Variants in SLC23A2 observed in about 807,000 individuals in gnomAD.
The protein encoded by SLC23A2 is Na(+)/L-ascorbic acid transporter 2.
In SLC23A2, 36 loss-of-function variants were observed where a neutral mutation model predicts 73.3. That is an observed-to-expected ratio of 0.49 (90% CI 0.38 to 0.65). The LOEUF is 0.65. Among genes scored for constraint, SLC23A2 ranks in the 30% least tolerant of loss-of-function variants. The pLI, the probability that SLC23A2 is intolerant of heterozygous loss-of-function variation, is 0.00. For synonymous variants in SLC23A2, 343 were observed against 327.3 expected (o/e 1.05, Z -0.52); for missense variants, 507 against 841.6 (o/e 0.60, Z 4.92).
intron 2 of SLC23A2, among the ~76,000 whole-genome samples, chr20:4,944,730 C>T (rs1182736747): frequency 6.6e-6 from 1 of 152,148 alleles, no homozygotes; most frequent in Non-Finnish European, 1.5e-5. Flanking sequence ...CTCAGCCTGC[C>T]AAGTGCTACT....
intron 3 of SLC23A2, among the ~76,000 whole-genome samples, chr20:4,929,299 A>T (rs950923353): frequency 6.6e-6 from 1 of 151,478 alleles, no homozygotes; most frequent in Non-Finnish European, 1.5e-5. Flanking sequence ...AAAAAAAAAC[A>T]CTTATGGAAA....
At chr20:4,905,113 C>CAAAAA (rs56708379) in intron 4 of SLC23A2, among the ~76,000 whole-genome samples, 1 of 96,786 alleles carries the variant, frequency 1.0e-5, no homozygotes. Context: ...GATTCTGTCA[C>CAAAAA]AAAAAAAAAA....
At chr20:4,896,145 C>G (rs1001654790) in intron 6 of SLC23A2, among the ~76,000 whole-genome samples, 1 of 152,106 alleles carries the variant, frequency 6.6e-6, no homozygotes, top group African/African-American at 2.4e-5. Flanking sequence ...ACATGGGGTG[C>G]AGCAAACGTG....
chr20:4,854,660 C>T lies in SLC23A2; in HGVS notation c.*2312G>A, dbSNP rs1294360420. 1 of 152,158 alleles carries T rather than the reference C, an allele frequency of 6.6e-6. No homozygotes were observed. The highest frequency in any genetic ancestry group is 1.5e-5 in the Non-Finnish European group (1 of 68,020). 9.4% of individuals were successfully genotyped at this position (152,158 alleles called of 1,614,324 possible). On this transcript the variant is annotated 3_prime_UTR_variant, in exon 17 of 17. Coordinates refer to ENST00000338244, the MANE Select transcript of SLC23A2 (RefSeq NM_005116.6). Reference sequence around the variant, plus strand: ...TGTGTGAAGGCCTACAGAGGGCACCCCACATGTTAGCGGGGTTGAATCCTC... The same window carrying T: ...TGTGTGAAGGCCTACAGAGGGCACCTCACATGTTAGCGGGGTTGAATCCTC...
upstream of SLC23A2, among the ~76,000 whole-genome samples, chr20:5,002,096 C>G (rs1226556934): frequency 6.6e-6 from 1 of 152,158 alleles, no homozygotes; most frequent in Non-Finnish European, 1.5e-5. Context: ...CTCTGGGGTG[C>G]AGCCCAAAAG....
At chr20:4,971,599 TA>T in intron 1 of SLC23A2, among the ~76,000 whole-genome samples, 1 of 140,320 alleles carries the variant, frequency 7.1e-6, no homozygotes, top group African/African-American at 2.7e-5. Flanking sequence ...CTGGGCAACA[TA>T]GTGAAACCTT....
At chr20:4,893,370 C>T (rs914202477) in intron 6 of SLC23A2, among the ~76,000 whole-genome samples, 4 of 152,158 alleles carry the variant, frequency 2.6e-5, no homozygotes, top group Non-Finnish European at 5.9e-5. Flanking sequence ...CAGCCTGCAA[C>T]TTTACTTTCA....
intron 1 of SLC23A2, among the ~76,000 whole-genome samples, chr20:4,985,357 T>C (rs1004677280): frequency 6.6e-6 from 1 of 152,232 alleles, no homozygotes; most frequent in Admixed American, 6.5e-5. Context: ...AATGGATTAT[T>C]CAGCAATAAA....
intron 1 of SLC23A2, among the ~76,000 whole-genome samples, chr20:4,973,212 C>T (rs75895094): frequency 0.012 from 1,852 of 152,184 alleles, 32 homozygotes; most frequent in East Asian, 0.05. Flanking sequence ...ATCGTGTGAC[C>T]TTCTCAATTT....
chr20:4,997,780 C>T (rs149218752), intron 1 of SLC23A2, among the ~76,000 whole-genome samples: 89 of 149,972 alleles, frequency 5.9e-4, no homozygotes, highest in African/African-American at 1.9e-3. Flanking sequence ...ACTACTACCA[C>T]GTCCAGCGAA....
chr20:4,885,464 T>C (rs1931059926), intron 7 of SLC23A2, among the ~76,000 whole-genome samples: 1 of 152,232 alleles, frequency 6.6e-6, no homozygotes, highest in African/African-American at 2.4e-5. Flanking sequence ...AGAGAAGGGA[T>C]GCTGACGCAG....
chr20:4,992,342 TA>T (rs1276250473), intron 1 of SLC23A2, among the ~76,000 whole-genome samples: 1 of 152,026 alleles, frequency 6.6e-6, no homozygotes, highest in Non-Finnish European at 1.5e-5. Flanking sequence ...CCAAAAAATA[TA>T]AACTAGAGGG....
chr20:5,007,146 G>A lies in SLC23A2; in HGVS notation c.-282+3036C>T, dbSNP rs565952448. On this transcript the variant is annotated intron_variant, in intron 1 of 16. Transcript: ENST00000379333. ...CACGTAGGCTTCTCCCCACTCCACCGCCAGGCTTGCTTTTATTTTTTTTGA... is the reference window on the plus strand; with the variant it reads ...CACGTAGGCTTCTCCCCACTCCACCACCAGGCTTGCTTTTATTTTTTTTGA... 2.2e-4 allele frequency among the ~76,000 whole-genome samples: 33 copies of A among 152,110 alleles called. No homozygotes were observed. The East Asian group carries it at 3.7e-3, about 17-fold the overall frequency.
chr20:4,913,672 G>A (rs1157157500), intron 3 of SLC23A2, among the ~76,000 whole-genome samples: 2 of 152,100 alleles, frequency 1.3e-5, no homozygotes, highest in Non-Finnish European at 2.9e-5. Context: ...TGTCGCCCAG[G>A]CTGGAATGCA....
chr20:4,946,687 C>G (rs1383893730), intron 2 of SLC23A2, among the ~76,000 whole-genome samples: 1 of 152,158 alleles, frequency 6.6e-6, no homozygotes, highest in Admixed American at 6.5e-5. Flanking sequence ...TGAGTCCAGC[C>G]TGAGACACGT....
intron 1 of SLC23A2, among the ~76,000 whole-genome samples, chr20:5,009,289 C>T (rs2035336502): frequency 6.6e-6 from 1 of 152,012 alleles, no homozygotes; most frequent in South Asian, 2.1e-4. Flanking sequence ...TGGCTATGTC[C>T]ATTTCTGTTG....
At chr20:5,009,281 G>A (rs1239190668) in intron 1 of SLC23A2, among the ~76,000 whole-genome samples, 2 of 151,954 alleles carry the variant, frequency 1.3e-5, no homozygotes, top group African/African-American at 4.8e-5. Flanking sequence ...GGAGAGTGTG[G>A]CTATGTCCAT....
intron 1 of SLC23A2, among the ~76,000 whole-genome samples, chr20:4,976,960 A>G (rs1213878108): frequency 6.6e-6 from 1 of 152,104 alleles, no homozygotes; most frequent in African/African-American, 2.4e-5. Context: ...TGGGTGGCTG[A>G]GAGAAGCTCC....
chr20:4,871,928 T>C (rs1930463775), intron 11 of SLC23A2, among the ~76,000 whole-genome samples: 1 of 152,232 alleles, frequency 6.6e-6, no homozygotes, highest in Non-Finnish European at 1.5e-5. Context: ...TCAAGTTTAG[T>C]GTCTTGATTT....
Sources: gnomAD v4.1 joint callset for allele counts (sites outside exome capture counted in the v4.1 genomes callset) on GRCh38, gnomAD v4.1.1 for gene constraint, MANE v1.5 for transcripts, NCBI Gene and HGNC (gene_info 2026-07-23, HGNC 2026-07-21) for gene names.